Variants in RNLS observed in about 807,000 individuals in gnomAD.
The protein encoded by RNLS is renalase.
A neutral mutation model predicts 39.8 loss-of-function variants in RNLS; 39 were observed. The ratio of observed to expected loss-of-function variants is 0.98; its 90% CI spans 0.76 to 1.28. The LOEUF (loss-of-function observed/expected upper bound fraction) is 1.28. Ranked by LOEUF, RNLS falls within the 50% of genes most tolerant of loss-of-function variation. RNLS has a pLI of 0.00. For synonymous variants in RNLS, 147 were observed against 150.7 expected (o/e 0.98, Z 0.18); for missense variants, 410 against 413.3 (o/e 0.99, Z 0.07).
intron 4 of RNLS, among the ~76,000 whole-genome samples, chr10:88,484,112 G>A (rs540707113): frequency 8.2e-4 from 125 of 152,070 alleles, no homozygotes; most frequent in African/African-American, 2.8e-3. Flanking sequence ...GATGAAATCC[G>A]AAAACAAATT....
chr10:88,184,879 G>A, the RNLS span, among the ~76,000 whole-genome samples: 1 of 152,064 alleles, frequency 6.6e-6, no homozygotes, highest in Non-Finnish European at 1.5e-5. Flanking sequence ...TAGCTTGTTG[G>A]CCACCAAGGT....
chr10:88,198,248 A>C, the RNLS span, among the ~76,000 whole-genome samples: 1 of 152,122 alleles, frequency 6.6e-6, no homozygotes. Flanking sequence ...ACGTGTAGAG[A>C]CCTGATGCCA....
chr10:88,566,108 A>C (rs1275304217), intron 4 of RNLS, among the ~76,000 whole-genome samples: 1 of 152,042 alleles, frequency 6.6e-6, no homozygotes, highest in African/African-American at 2.4e-5. Flanking sequence ...TTATTCAAAA[A>C]ATCGTAAAGA....
At chr10:88,205,854 C>G in the RNLS span, among the ~76,000 whole-genome samples, 1 of 152,178 alleles carries the variant, frequency 6.6e-6, no homozygotes, top group African/African-American at 2.4e-5. Context: ...AGGCAATATT[C>G]TCTTTTAAAG....
chr10:88,553,530 C>A (rs1274949069), intron 4 of RNLS, among the ~76,000 whole-genome samples: 3 of 152,116 alleles, frequency 2.0e-5, no homozygotes, highest in African/African-American at 4.8e-5. Context: ...TAATGGTAAT[C>A]TCTCATTAAG....
intron 5 of RNLS, among the ~76,000 whole-genome samples, chr10:88,332,823 T>C (rs935354058): frequency 2.6e-5 from 4 of 152,340 alleles, no homozygotes; most frequent in Middle Eastern, 3.4e-3. Flanking sequence ...CTCCTCTTCC[T>C]GCTGAGGGTT....
intron 4 of RNLS, among the ~76,000 whole-genome samples, chr10:88,435,355 C>T (rs1038820016): frequency 1.6e-4 from 24 of 151,648 alleles, no homozygotes; most frequent in African/African-American, 5.6e-4. Context: ...TAATTAGAAT[C>T]TACATCTTCT....
intron 6 of RNLS, among the ~76,000 whole-genome samples, chr10:88,288,288 C>G (rs763227320): frequency 6.6e-6 from 1 of 152,028 alleles, no homozygotes; most frequent in Non-Finnish European, 1.5e-5. Context: ...TGCCCAAAGA[C>G]GGAAAGTCAG....
At chr10:88,262,816 G>T in the RNLS span, among the ~76,000 whole-genome samples, 2 of 152,116 alleles carry the variant, frequency 1.3e-5, no homozygotes, top group African/African-American at 2.4e-5. Flanking sequence ...GGGGATTCTG[G>T]TCAAAGTATG....
chr10:88,441,611 G>C (rs1372591092), intron 4 of RNLS, among the ~76,000 whole-genome samples: 1 of 152,146 alleles, frequency 6.6e-6, no homozygotes, highest in East Asian at 1.9e-4. Context: ...GTGAAGCCTG[G>C]GTGCGCTCTC....
intron 5 of RNLS, among the ~76,000 whole-genome samples, chr10:88,358,513 T>C (rs187602201): frequency 1.2e-4 from 19 of 152,332 alleles, no homozygotes; most frequent in Non-Finnish European, 2.4e-4. Context: ...AAAAAGATAA[T>C]ATGTCCTGAT....
intron 5 of RNLS, among the ~76,000 whole-genome samples, chr10:88,346,050 G>T (rs1848278078): frequency 6.6e-6 from 1 of 152,068 alleles, no homozygotes; most frequent in African/African-American, 2.4e-5. Flanking sequence ...TTTATGGCAA[G>T]ATTCCAATGC....
chr10:88,301,297 C>G (rs1844498337), intron 6 of RNLS, among the ~76,000 whole-genome samples: 1 of 152,142 alleles, frequency 6.6e-6, no homozygotes, highest in Non-Finnish European at 1.5e-5. Context: ...AGGTGATGAT[C>G]TCACACATAT....
At chr10:88,510,071 A>G (rs192379762) in intron 4 of RNLS, among the ~76,000 whole-genome samples, 1 of 152,168 alleles carries the variant, frequency 6.6e-6, no homozygotes, top group African/African-American at 2.4e-5. Context: ...ATAAATGAAC[A>G]TTTAGAAAAT....
chr10:88,191,209 A>T, the RNLS span, among the ~76,000 whole-genome samples: 1 of 152,048 alleles, frequency 6.6e-6, no homozygotes, highest in African/African-American at 2.4e-5. Flanking sequence ...GTTACCTTCC[A>T]TTGACTCAGC....
chr10:88,356,315 G>A (rs951927598), intron 5 of RNLS, among the ~76,000 whole-genome samples: 2 of 152,166 alleles, frequency 1.3e-5, no homozygotes, highest in African/African-American at 2.4e-5. Context: ...TACTCATGCC[G>A]GGAGCTGTAG....
chr10:88,490,560 T>C (rs1441356736), intron 4 of RNLS, among the ~76,000 whole-genome samples: 1 of 152,176 alleles, frequency 6.6e-6, no homozygotes, highest in African/African-American at 2.4e-5. Flanking sequence ...AGGAGTAACG[T>C]CTTCTAGCTT....
At chr10:88,515,967 A>C (rs1385833758) in intron 4 of RNLS, among the ~76,000 whole-genome samples, 10 of 152,032 alleles carry the variant, frequency 6.6e-5, no homozygotes, top group Admixed American at 6.6e-4. Context: ...TGGTGTCCTT[A>C]AGAGGACAGG....
chr10:88,349,702 C>T (rs765562862), intron 5 of RNLS, among the ~76,000 whole-genome samples: 8 of 151,438 alleles, frequency 5.3e-5, no homozygotes, highest in Non-Finnish European at 8.8e-5. Flanking sequence ...TTTATTTTTA[C>T]GTATGTATAT....
Sources: gnomAD v4.1 joint callset for allele counts (sites outside exome capture counted in the v4.1 genomes callset) on GRCh38, gnomAD v4.1.1 for gene constraint, MANE v1.5 for transcripts, NCBI Gene and HGNC (gene_info 2026-07-23, HGNC 2026-07-21) for gene names.